SUPT3H: variants seen among roughly 807,000 people sequenced by gnomAD.
SUPT3H encodes the protein transcription initiation protein SPT3 homolog.
Under a neutral mutation model 44.3 loss-of-function variants are expected in SUPT3H, and 44 were observed. The ratio of observed to expected loss-of-function variants is 0.99; its 90% CI spans 0.78 to 1.28. The LOEUF is 1.28. Among genes scored for constraint, SUPT3H ranks in the 50% most tolerant of loss-of-function variants. The pLI, the probability that SUPT3H is intolerant of heterozygous loss-of-function variation, is 0.00. For synonymous variants in SUPT3H, 124 were observed against 125.6 expected, an observed-to-expected ratio of 0.99 and a Z score of 0.09; for missense variants, 380 against 387.1, an observed-to-expected ratio of 0.98 and a Z score of 0.15.
At chr6:44,856,316 C>T (rs1351891203) in intron 10 of SUPT3H, among the ~76,000 whole-genome samples, 1 of 152,138 alleles carries the variant, frequency 6.6e-6, no homozygotes, top group Non-Finnish European at 1.5e-5. Context: ...CCCTCAGAGA[C>T]GACACACTAA....
chr6:45,295,548 A>AAAAAC (rs1562898118), intron 2 of SUPT3H, among the ~76,000 whole-genome samples: 2 of 90,218 alleles, frequency 2.2e-5, no homozygotes, highest in Non-Finnish European at 4.4e-5. Context: ...AAAAAAAAAA[A>AAAAAC]AAAAAACAGC....
chr6:45,353,402 TAAG>T (rs1445831110), intron 2 of SUPT3H, among the ~76,000 whole-genome samples: 4 of 151,954 alleles, frequency 2.6e-5, no homozygotes, highest in Non-Finnish European at 5.9e-5. Flanking sequence ...TAAAACATAT[TAAG>T]AAGCTATAAT....
chr6:45,217,664 G>A (rs954210768), intron 2 of SUPT3H, among the ~76,000 whole-genome samples: 4 of 152,114 alleles, frequency 2.6e-5, no homozygotes, highest in Non-Finnish European at 5.9e-5. Context: ...GCCAAGGCAG[G>A]TGGATCACTT....
chr6:45,365,408 A>T, intron 1 of SUPT3H, 107 bp from the exon 2 acceptor site: 1 of 724,872 alleles, frequency 1.4e-6, no homozygotes, highest in Non-Finnish European at 2.2e-6. Context: ...AGAAAATTTA[A>T]ATTTCTGATT....
intron 10 of SUPT3H, among the ~76,000 whole-genome samples, chr6:44,866,287 T>C (rs1775496873): frequency 6.6e-6 from 1 of 151,990 alleles, no homozygotes; most frequent in Non-Finnish European, 1.5e-5. Flanking sequence ...AATTATGTTT[T>C]ATTGTTTAAC....
At chr6:45,098,147 G>T in intron 3 of SUPT3H, 1 of 155,162 alleles carries the variant, frequency 6.4e-6, no homozygotes. Flanking sequence ...AAAGCAGGAA[G>T]GAACGCAAAA....
At chr6:44,971,796 G>A (rs568640037) in intron 6 of SUPT3H, among the ~76,000 whole-genome samples, 9 of 151,544 alleles carry the variant, frequency 5.9e-5, no homozygotes, top group South Asian at 2.1e-4. Flanking sequence ...TTCTTGAGAC[G>A]GAGTCTCACT....
At chr6:45,342,264 A>G (rs1789944490) in intron 2 of SUPT3H, among the ~76,000 whole-genome samples, 1 of 152,002 alleles carries the variant, frequency 6.6e-6, no homozygotes, top group South Asian at 2.1e-4. Context: ...ATATAACACA[A>G]TCTCAATTTT....
At chr6:45,170,663 A>T (rs1336255969) in intron 2 of SUPT3H, among the ~76,000 whole-genome samples, 1 of 152,114 alleles carries the variant, frequency 6.6e-6, no homozygotes, top group African/African-American at 2.4e-5. Flanking sequence ...CTTTTTATTT[A>T]AAATTCTGAA....
intron 2 of SUPT3H, among the ~76,000 whole-genome samples, chr6:45,312,117 G>C (rs1185619140): frequency 6.6e-6 from 1 of 152,102 alleles, no homozygotes; most frequent in African/African-American, 2.4e-5. Context: ...TAAACTTAAA[G>C]GGGTAGTAAA....
chr6:45,003,096 A>C (rs1782218761), intron 6 of SUPT3H, among the ~76,000 whole-genome samples: 2 of 152,156 alleles, frequency 1.3e-5, no homozygotes, highest in African/African-American at 4.8e-5. Context: ...CTAAGGTAAA[A>C]AGAAGACATA....
At chr6:45,197,075 C>T (rs1308665820) in intron 2 of SUPT3H, among the ~76,000 whole-genome samples, 2 of 151,468 alleles carry the variant, frequency 1.3e-5, no homozygotes, top group South Asian at 2.1e-4. Context: ...GAAGAAGTTT[C>T]GTTTTAAGAC....
chr6:44,996,285 T>C (rs1024438622), intron 6 of SUPT3H, among the ~76,000 whole-genome samples: 1 of 151,772 alleles, frequency 6.6e-6, no homozygotes, highest in Non-Finnish European at 1.5e-5. Context: ...AGTAAGTAGA[T>C]ACTTTATATA....
intron 2 of SUPT3H, among the ~76,000 whole-genome samples, chr6:45,129,094 T>G (rs1803001828): frequency 6.6e-6 from 1 of 152,226 alleles, no homozygotes; most frequent in Admixed American, 6.5e-5. Context: ...ATATTTCCCA[T>G]ACATAAATAA....
intron 2 of SUPT3H, among the ~76,000 whole-genome samples, chr6:45,128,503 C>CAAAAAAAAAAAA (rs1168489460): frequency 8.0e-5 from 1 of 12,460 alleles, no homozygotes; most frequent in African/African-American, 4.5e-4. Context: ...GACTCTGTCT[C>CAAAAAAAAAAAA]AAAAAAAAAA....
At chr6:45,078,864 C>A in intron 3 of SUPT3H, among the ~76,000 whole-genome samples, 1 of 152,108 alleles carries the variant, frequency 6.6e-6, no homozygotes, top group East Asian at 1.9e-4. Flanking sequence ...TCTTTTGCAG[C>A]TTTTAGAATT....
At chr6:45,092,265 A>G (rs2153563612) in intron 3 of SUPT3H, among the ~76,000 whole-genome samples, 1 of 152,262 alleles carries the variant, frequency 6.6e-6, no homozygotes, top group South Asian at 2.1e-4. Context: ...CTGGGTACTG[A>G]GCATGATTTT....
intron 2 of SUPT3H, among the ~76,000 whole-genome samples, chr6:45,165,369 T>G (rs1205159066): frequency 6.6e-6 from 1 of 152,184 alleles, no homozygotes; most frequent in African/African-American, 2.4e-5. Flanking sequence ...ACCACTCAGT[T>G]AGCAGAAGAA....
chr6:45,209,059 C>T (rs941409058), intron 2 of SUPT3H, among the ~76,000 whole-genome samples: 1 of 152,206 alleles, frequency 6.6e-6, no homozygotes, highest in Non-Finnish European at 1.5e-5. Context: ...GCATGGTTCA[C>T]TGAATAATTT....
Sources: allele counts gnomAD v4.1 joint callset (sites outside exome capture counted in the v4.1 genomes callset), GRCh38; gene constraint gnomAD v4.1.1; transcripts MANE v1.5; gene names NCBI Gene and HGNC (gene_info 2026-07-23, HGNC 2026-07-21).